Variants in MAP2K1 observed in about 807,000 individuals in gnomAD.
MAP2K1 encodes the protein dual specificity mitogen-activated protein kinase kinase 1.
Under a neutral mutation model 46.3 loss-of-function variants are expected in MAP2K1, and 16 were observed. The ratio of observed to expected loss-of-function variants is 0.35; its 90% CI spans 0.23 to 0.52. The LOEUF (loss-of-function observed/expected upper bound fraction) is 0.52, where lower values mean the gene tolerates loss of function less well. Among genes scored for constraint, MAP2K1 ranks in the 20% least tolerant of loss-of-function variants. The probability of loss-of-function intolerance (pLI) is 0.94; values close to 1 mark genes in which losing one functional copy is unlikely to be tolerated. For synonymous variants in MAP2K1, 183 were observed against 185.6 expected, an observed-to-expected ratio of 0.99 and a Z score of 0.11; for missense variants, 263 against 497.1, an observed-to-expected ratio of 0.53 and a Z score of 4.48.
intron 5 of MAP2K1, among the ~76,000 whole-genome samples, chr15:66,445,816 G>A (rs1195829757): frequency 6.6e-6 from 1 of 151,728 alleles, no homozygotes; most frequent in Non-Finnish European, 1.5e-5. Flanking sequence ...GAGGGGTCTA[G>A]GGAGAGATTA....
At chr15:66,389,632 T>C (rs1167858795) in intron 1 of MAP2K1, among the ~76,000 whole-genome samples, 6 of 136,126 alleles carry the variant, frequency 4.4e-5, no homozygotes. Flanking sequence ...CAGAGTGCAG[T>C]GGTGCGATCT....
intron 6 of MAP2K1, among the ~76,000 whole-genome samples, chr15:66,482,933 G>A (rs536034339): frequency 1.3e-5 from 2 of 152,052 alleles, no homozygotes; most frequent in African/African-American, 4.8e-5. Flanking sequence ...ATCTTAACTT[G>A]TACAAAGCAT....
At chr15:66,470,147 G>A (rs1430100803) in intron 5 of MAP2K1, among the ~76,000 whole-genome samples, 1 of 110,932 alleles carries the variant, frequency 9.0e-6, no homozygotes, top group Admixed American at 1.4e-4. Context: ...CAGAGGCCTC[G>A]TTCCCCATAA....
At chr15:66,408,722 C>T (rs2093403990) in intron 1 of MAP2K1, among the ~76,000 whole-genome samples, 1 of 152,052 alleles carries the variant, frequency 6.6e-6, no homozygotes, top group Admixed American at 6.6e-5. Context: ...CTGGCCTCTG[C>T]TCATACTATG....
intron 1 of MAP2K1, among the ~76,000 whole-genome samples, chr15:66,421,061 TAC>T (rs542133130): frequency 4.9e-4 from 69 of 141,002 alleles, no homozygotes; most frequent in Admixed American, 8.2e-4. Context: ...TGTACACACA[TAC>T]ACACACACAT....
chr15:66,458,496 T>C (rs1488777613), intron 5 of MAP2K1, among the ~76,000 whole-genome samples: 1 of 152,202 alleles, frequency 6.6e-6, no homozygotes, highest in Non-Finnish European at 1.5e-5. Context: ...TACGTATTTA[T>C]GTGTGACATG....
At chr15:66,420,873 GTATA>G (rs1307386701) in intron 1 of MAP2K1, among the ~76,000 whole-genome samples, 2 of 101,414 alleles carry the variant, frequency 2.0e-5, no homozygotes, top group African/African-American at 7.1e-5. Flanking sequence ...ATATATGTGT[GTATA>G]TATATGTGTA....
chr15:66,488,925 CAT>C (rs887613546), intron 8 of MAP2K1: 40 of 509,880 alleles, frequency 7.8e-5, no homozygotes, highest in Non-Finnish European at 1.3e-4. Flanking sequence ...AACTGAGGCT[CAT>C]AGAGGAATAG....
chr15:66,437,247 G>C (rs2093490783), intron 3 of MAP2K1, among the ~76,000 whole-genome samples: 2 of 152,156 alleles, frequency 1.3e-5, no homozygotes, highest in Non-Finnish European at 2.9e-5. Flanking sequence ...TAGGTGCAAG[G>C]CTCTGGAGTT....
At chr15:66,439,524 T>C (rs905893725) in intron 3 of MAP2K1, among the ~76,000 whole-genome samples, 3 of 152,150 alleles carry the variant, frequency 2.0e-5, no homozygotes, top group African/African-American at 7.2e-5. Flanking sequence ...TCCAGCACTT[T>C]GGGAGGCTAA....
In MAP2K1 at chr15:66,432,759, C is replaced by T. The variant is rs1055228805; in HGVS notation, c.81-2268C>T. ...TCGTTCTCTCTGCCTGAATTTGAAA[C>T]GTGGCTGTGCCACTTACCAGCTCTT... On this transcript the variant is annotated intron_variant, in intron 1 of 10. Coordinates refer to ENST00000307102, the MANE Select transcript of MAP2K1 (RefSeq NM_002755.4). Among the ~76,000 whole-genome samples the T allele has an allele frequency of 9.8e-5, 15 of 152,346 alleles. No individual in the cohort carries two copies. The Middle Eastern group carries it at 0.017, about 173-fold the overall frequency.
intron 1 of MAP2K1, among the ~76,000 whole-genome samples, chr15:66,412,550 C>G (rs1294066182): frequency 2.0e-5 from 3 of 152,132 alleles, no homozygotes; most frequent in Non-Finnish European, 4.4e-5. Context: ...TACACTTACC[C>G]AGATAATCTA....
At chr15:66,402,042 G>A (rs1204738352) in intron 1 of MAP2K1, 5 of 1,298,724 alleles carry the variant, frequency 3.8e-6, no homozygotes, top group Non-Finnish European at 5.1e-6. Flanking sequence ...GTATTTCTGA[G>A]TAGTTTTTAT....
At chr15:66,398,841 T>C (rs1487600061) in intron 1 of MAP2K1, among the ~76,000 whole-genome samples, 1 of 151,464 alleles carries the variant, frequency 6.6e-6, no homozygotes, top group African/African-American at 2.4e-5. Context: ...TGGTGCGATC[T>C]CGGCTCACTG....
chr15:66,459,767 A>G (rs551937218), intron 5 of MAP2K1, among the ~76,000 whole-genome samples: 107 of 152,308 alleles, frequency 7.0e-4, no homozygotes, highest in Non-Finnish European at 1.3e-3. Flanking sequence ...CTCTCCATTC[A>G]GACTTGTTGG....
intron 1 of MAP2K1, among the ~76,000 whole-genome samples, chr15:66,397,774 G>A (rs2093371677): frequency 6.6e-6 from 1 of 152,110 alleles, no homozygotes; most frequent in African/African-American, 2.4e-5. Context: ...CCTAGGATGT[G>A]GAACATTCTC....
intron 5 of MAP2K1, among the ~76,000 whole-genome samples, chr15:66,480,067 T>A (rs987083111): frequency 4.0e-5 from 6 of 151,190 alleles, no homozygotes; most frequent in African/African-American, 1.5e-4. Flanking sequence ...ACCACGCTAA[T>A]TTTTTATTTT....
At chr15:66,413,899 T>TTTC (rs1222772280) in intron 1 of MAP2K1, among the ~76,000 whole-genome samples, 7 of 122,090 alleles carry the variant, frequency 5.7e-5, no homozygotes, top group Non-Finnish European at 6.8e-5. Context: ...TTCTTATTTT[T>TTTC]TTCTTCTTCT....
At chr15:66,464,897 A>C (rs1483815110) in intron 5 of MAP2K1, among the ~76,000 whole-genome samples, 2 of 151,868 alleles carry the variant, frequency 1.3e-5, no homozygotes, top group Admixed American at 6.6e-5. Context: ...AAAATGATAA[A>C]AATTGAAAAA....
Sources: allele counts gnomAD v4.1 joint callset (sites outside exome capture counted in the v4.1 genomes callset), GRCh38; gene constraint gnomAD v4.1.1; transcripts MANE v1.5; gene names NCBI Gene and HGNC (gene_info 2026-07-23, HGNC 2026-07-21).